The following TMEM260 variants were observed in gnomAD, a reference collection of about 807,000 sequenced individuals.
TMEM260 encodes protein O-mannosyl-transferase TMEM260.
Under a neutral mutation model 88.9 loss-of-function variants are expected in TMEM260, and 82 were observed. That is an observed-to-expected ratio of 0.92 (90% CI 0.77 to 1.11). The LOEUF (loss-of-function observed/expected upper bound fraction) is 1.11. Ranked by LOEUF, TMEM260 falls within the 50% of genes least tolerant of loss-of-function variation. The pLI is 0.00. For synonymous variants in TMEM260, 314 were observed against 309.3 expected (o/e 1.02, Z -0.16); for missense variants, 902 against 853.4 (o/e 1.06, Z -0.71).
At chr14:56,644,034 AT>A (rs1326087125) in intron 15 of TMEM260, among the ~76,000 whole-genome samples, 1 of 152,224 alleles carries the variant, frequency 6.6e-6, no homozygotes, top group Non-Finnish European at 1.5e-5. Flanking sequence ...AGAACATTCC[AT>A]GCTCATGGGT....
At chr14:56,658,682 A>G in the TMEM260 span, among the ~76,000 whole-genome samples, 1 of 152,224 alleles carries the variant, frequency 6.6e-6, no homozygotes, top group Non-Finnish European at 1.5e-5. Context: ...CTAAAGAGAC[A>G]TGACAGCTAT....
chr14:56,603,840 A>G lies in TMEM260; in HGVS notation c.370A>G (p.Ile124Val), dbSNP rs763181914. 6.2e-7 allele frequency: 1 copy of G among 1,613,778 alleles called. No individual in the cohort carries two copies. The change falls in exon 4 of 16, where the codon ATC becomes GTC. Residue 124 changes from isoleucine to valine, a missense_variant. Coordinates refer to ENST00000261556, the MANE Select transcript of TMEM260 (RefSeq NM_017799.4). The stretch of plus-strand genomic sequence containing the variant: ...GCTTTCTGGCTCATCTGCTGGAGGA[A>G]TCCTTGCTGCGGGGGTGTTTTCATT... ...FRLSGSSAGG[I>V]LAAGVFSFSR...
At chr14:56,662,654 A>T in the TMEM260 span, among the ~76,000 whole-genome samples, 1 of 152,230 alleles carries the variant, frequency 6.6e-6, no homozygotes, top group South Asian at 2.1e-4. Flanking sequence ...ACTATCTCCG[A>T]CTAGGCTTGC....
intron 12 of TMEM260, among the ~76,000 whole-genome samples, chr14:56,628,101 T>TAA (rs1395880164): frequency 6.6e-6 from 1 of 152,256 alleles, no homozygotes; most frequent in Non-Finnish European, 1.5e-5. Context: ...TTTTTGTTTC[T>TAA]AAGTAATATT....
At chr14:56,660,394 A>G in the TMEM260 span, among the ~76,000 whole-genome samples, 2 of 152,230 alleles carry the variant, frequency 1.3e-5, no homozygotes, top group Non-Finnish European at 2.9e-5. Context: ...TTGTTACAGT[A>G]CAGTGAATTA....
rs1053331388 is a variant in TMEM260 at position 56,618,694 on chromosome 14, A to G, written c.1157A>G (p.Asn386Ser). The G allele has an allele frequency of 1.2e-6, 2 of 1,614,200 alleles. No homozygotes were observed. The highest frequency in any genetic ancestry group is 1.6e-4 in the Middle Eastern group (1 of 6,062). The change falls in exon 10 of 16, where the codon AAT becomes AGT. Residue 386 changes from asparagine (N) to serine (S), a missense_variant. Transcript: ENST00000261556. ...VSETNRVLNSNGLQCLEWLSA... is the reference protein window; with the variant it reads ...VSETNRVLNSSGLQCLEWLSA... Reference sequence around the variant, plus strand: ...GAGACTAACCGAGTGCTGAATAGCAATGGGCTTCAGTGTCTGGAATGGCTT... The same window carrying G: ...GAGACTAACCGAGTGCTGAATAGCAGTGGGCTTCAGTGTCTGGAATGGCTT...
intron 12 of TMEM260, among the ~76,000 whole-genome samples, chr14:56,629,355 T>A (rs924903483): frequency 6.6e-6 from 1 of 151,658 alleles, no homozygotes; most frequent in Non-Finnish European, 1.5e-5. Flanking sequence ...GAGTAATAAT[T>A]TACCACTTCA....
intron 7 of TMEM260, among the ~76,000 whole-genome samples, chr14:56,615,200 T>C (rs1887524604): frequency 6.6e-6 from 1 of 152,218 alleles, no homozygotes; most frequent in Non-Finnish European, 1.5e-5. Context: ...AATTATGGTA[T>C]CACATTTTCT....
chr14:56,608,306 G>T (rs1594840270), intron 5 of TMEM260, among the ~76,000 whole-genome samples: 1 of 152,162 alleles, frequency 6.6e-6, no homozygotes, highest in South Asian at 2.1e-4. Context: ...ATTTGTGAGA[G>T]ACTACCTTTC....
chr14:56,600,250 T>C (rs754041419), intron 3 of TMEM260, among the ~76,000 whole-genome samples: 60 of 152,192 alleles, frequency 3.9e-4, no homozygotes, highest in Non-Finnish European at 7.6e-4. Context: ...GACTTTCTGC[T>C]CTTAGAGGCG....
At chr14:56,590,431 A>G (rs908716322) in intron 3 of TMEM260, among the ~76,000 whole-genome samples, 2 of 152,242 alleles carry the variant, frequency 1.3e-5, no homozygotes, top group African/African-American at 4.8e-5. Flanking sequence ...CTAAGGCAAT[A>G]TTCTGAGCGG....
At chr14:56,601,949 G>A (rs1223981260) in intron 3 of TMEM260, among the ~76,000 whole-genome samples, 1 of 152,004 alleles carries the variant, frequency 6.6e-6, no homozygotes, top group African/African-American at 2.4e-5. Flanking sequence ...ATTTCTCCAA[G>A]GATGCTAATT....
chr14:56,647,147 T>G, intron 15 of TMEM260, 96 bp from the exon 16 acceptor site: 1 of 1,380,038 alleles, frequency 7.2e-7, no homozygotes, highest in Non-Finnish European at 9.6e-7. Flanking sequence ...CTTGAATTTT[T>G]TTTTCTTGTT....
intron 4 of TMEM260, 56 bp from the exon 5 acceptor site, chr14:56,605,514 T>A (rs1045858873): frequency 1.0e-6 from 1 of 998,222 alleles, no homozygotes; most frequent in East Asian, 2.6e-5. Context: ...TTTTATTATG[T>A]TCTTAGAGTT....
intron 15 of TMEM260, 85 bp from the exon 16 acceptor site, chr14:56,647,155 GTTA>G: frequency 7.1e-7 from 1 of 1,411,088 alleles, no homozygotes; most frequent in Non-Finnish European, 9.4e-7. Context: ...TTTTTTTCTT[GTTA>G]TTAATTCCTC....
chr14:56,657,343 T>C, the TMEM260 span, among the ~76,000 whole-genome samples: 5 of 152,220 alleles, frequency 3.3e-5, no homozygotes, highest in Non-Finnish European at 5.9e-5. Context: ...AGGTCTTCTA[T>C]GTTGCCCCGG....
intron 5 of TMEM260, among the ~76,000 whole-genome samples, chr14:56,607,149 A>G (rs555059769): frequency 6.6e-6 from 1 of 152,326 alleles, no homozygotes; most frequent in African/African-American, 2.4e-5. Context: ...AAGCTTTTCT[A>G]TGGAATACGA....
intron 1 of TMEM260, 118 bp downstream of exon 1, chr14:56,580,192 C>T (rs1188411540): frequency 2.6e-5 from 20 of 773,674 alleles, no homozygotes; most frequent in Non-Finnish European, 3.0e-5. Context: ...CCTCCATCCA[C>T]CCCCCTGTGC....
chr14:56,616,436 G>T (rs1887598915), intron 8 of TMEM260, among the ~76,000 whole-genome samples: 2 of 151,990 alleles, frequency 1.3e-5, no homozygotes, highest in Admixed American at 1.3e-4. Flanking sequence ...GATCTAGTCT[G>T]TTGAATGCAT....
Sources: allele counts gnomAD v4.1 joint callset (sites outside exome capture counted in the v4.1 genomes callset), GRCh38; gene constraint gnomAD v4.1.1; transcripts MANE v1.5; gene names NCBI Gene and HGNC (gene_info 2026-07-23, HGNC 2026-07-21).